DIP2C: variants seen among roughly 807,000 people sequenced by gnomAD.
DIP2C encodes the protein disco-interacting protein 2 homolog C.
In DIP2C, 33 loss-of-function variants were observed where a neutral mutation model predicts 192.4. The observed-to-expected ratio is 0.17, with a 90% CI of 0.13 to 0.23. The LOEUF (loss-of-function observed/expected upper bound fraction) is 0.23. Ranked by LOEUF, DIP2C falls within the 10% of genes least tolerant of loss-of-function variation. The probability of loss-of-function intolerance (pLI) is 1.00; values close to 1 mark genes in which losing one functional copy is unlikely to be tolerated. For missense variants in DIP2C, 1,537 were observed against 2,110.1 expected (o/e 0.73, Z 5.32); for synonymous variants, 979 against 864.1 (o/e 1.13, Z -2.33).
At chr10:354,988 G>T (rs562372204) in intron 24 of DIP2C, among the ~76,000 whole-genome samples, 1 of 152,018 alleles carries the variant, frequency 6.6e-6, no homozygotes, top group East Asian at 1.9e-4. Context: ...TAGCAAAGGG[G>T]GTATCATCCA....
rs1209548203 is a variant in DIP2C at position 414,118 on chromosome 10, G to A, written c.860-8C>T. 19 of 1,609,062 alleles carry A rather than the reference G, an allele frequency of 1.2e-5. No homozygotes were observed. The highest frequency in any genetic ancestry group is 1.3e-5 in the African/African-American group (1 of 74,978). On this transcript the variant is annotated splice_polypyrimidine_tract_variant and splice_region_variant and intron_variant, in intron 7 of 36. Coordinates refer to ENST00000280886, the MANE Select transcript of DIP2C (RefSeq NM_014974.3). The stretch of plus-strand genomic sequence containing the variant: ...TCGGATCCGGTTGTTGAACTAAATC[G>A]TTTGAATACAAGAGGTTACAAGAGA...
At chr10:599,549 C>T (rs182199000) in intron 1 of DIP2C, among the ~76,000 whole-genome samples, 2 of 152,296 alleles carry the variant, frequency 1.3e-5, no homozygotes, top group East Asian at 3.9e-4. Context: ...ACTCGTGGGT[C>T]AGTGAACGAA....
intron 1 of DIP2C, among the ~76,000 whole-genome samples, chr10:535,002 C>T (rs1847618396): frequency 6.6e-6 from 1 of 152,158 alleles, no homozygotes; most frequent in Non-Finnish European, 1.5e-5. Context: ...ACAATAGGTA[C>T]TCTTAAGAGC....
chr10:598,525 G>A (rs918051959), intron 1 of DIP2C, among the ~76,000 whole-genome samples: 1 of 152,140 alleles, frequency 6.6e-6, no homozygotes, highest in Admixed American at 6.5e-5. Context: ...ATCATGGGGA[G>A]AGGCCCCAGC....
At chr10:369,223 T>C (rs1960666257) in intron 18 of DIP2C, among the ~76,000 whole-genome samples, 2 of 152,176 alleles carry the variant, frequency 1.3e-5, no homozygotes, top group Admixed American at 1.3e-4. Flanking sequence ...GTGTGGACCC[T>C]GCACTGGCCC....
At chr10:417,362 A>G (rs1174201211) in intron 6 of DIP2C, among the ~76,000 whole-genome samples, 2 of 152,234 alleles carry the variant, frequency 1.3e-5, no homozygotes, top group Non-Finnish European at 2.9e-5. Flanking sequence ...ACAAAGGCAA[A>G]GGTACAGACT....
At position 369,795 on chromosome 10, in the gene DIP2C, G is replaced by A. The variant is rs758540891; in HGVS notation, c.1992-162C>T. On this transcript the variant is annotated intron_variant, in intron 17 of 36. Coordinates refer to ENST00000280886, the MANE Select transcript of DIP2C (RefSeq NM_014974.3). ...CATGTGGCTGCATTAGGGGATGCTC[G>A]TTCTGTTTATGAACAGCTGGCAGCG... The A allele has an allele frequency of 7.1e-5, 97 of 1,361,400 alleles. No individual in the cohort carries two copies. In the Middle Eastern group the frequency reaches 1.7e-3, roughly 24 times the overall value. The allele number at this position is 1,361,400 out of a possible 1,614,324, so 84.3% of individuals were successfully genotyped here. A position where few individuals can be genotyped will look rare whatever the true frequency, so the allele number is the denominator to read the frequency against.
chr10:414,858 G>GTGTGTA (rs1385158900), intron 7 of DIP2C, among the ~76,000 whole-genome samples: 4 of 35,590 alleles, frequency 1.1e-4, no homozygotes, highest in Admixed American at 3.2e-4. Flanking sequence ...ATATTTGTGT[G>GTGTGTA]TGTGTGTGTG....
chr10:577,475 G>C (rs1850243644), intron 1 of DIP2C, among the ~76,000 whole-genome samples: 1 of 152,186 alleles, frequency 6.6e-6, no homozygotes, highest in Non-Finnish European at 1.5e-5. Flanking sequence ...TCTCTATGAA[G>C]GTGGTAAGAG....
chr10:510,302 G>A (rs991581926), intron 1 of DIP2C, among the ~76,000 whole-genome samples: 9 of 152,218 alleles, frequency 5.9e-5, no homozygotes, highest in African/African-American at 2.2e-4. Flanking sequence ...AACACACCTT[G>A]CCGTCTCCAA....
chr10:466,319 G>C (rs1483547450), intron 3 of DIP2C, among the ~76,000 whole-genome samples: 91 of 144,284 alleles, frequency 6.3e-4, no homozygotes, highest in Non-Finnish European at 9.6e-4. Context: ...ATGGTGCTGG[G>C]AAAACTGGCT....
At chr10:437,236 T>C (rs1173265434) in intron 4 of DIP2C, among the ~76,000 whole-genome samples, 1 of 142,504 alleles carries the variant, frequency 7.0e-6, no homozygotes, top group Non-Finnish European at 1.5e-5. Context: ...GATGATATGC[T>C]CCACCCACAC....
At chr10:523,127 CCA>C (rs1212008410) in intron 1 of DIP2C, among the ~76,000 whole-genome samples, 1 of 151,572 alleles carries the variant, frequency 6.6e-6, no homozygotes, top group Admixed American at 6.6e-5. Flanking sequence ...TCTGTGTCAC[CCA>C]CACACTCGTT....
At chr10:484,924 C>T (rs775348967) in intron 2 of DIP2C, 10 of 1,610,752 alleles carry the variant, frequency 6.2e-6, no homozygotes, top group African/African-American at 1.3e-5. Flanking sequence ...CAGTCTACAC[C>T]GAACCACGGC....
intron 32 of DIP2C, among the ~76,000 whole-genome samples, chr10:307,623 C>T (rs1289650606): frequency 6.6e-6 from 1 of 151,698 alleles, no homozygotes; most frequent in African/African-American, 2.4e-5. Context: ...CCCAGCCAGA[C>T]GGAGGGGACC....
intron 4 of DIP2C, chr10:437,916 G>T (rs934802204): frequency 6.6e-6 from 1 of 152,176 alleles, no homozygotes; most frequent in African/African-American, 2.4e-5. Context: ...AGAAAAATAG[G>T]TAAGAAAATG....
At chr10:580,120 C>CTA (rs1309267314) in intron 1 of DIP2C, among the ~76,000 whole-genome samples, 1 of 152,114 alleles carries the variant, frequency 6.6e-6, no homozygotes, top group Non-Finnish European at 1.5e-5. Flanking sequence ...GGTATAACAT[C>CTA]TATATACATG....
intron 28 of DIP2C, among the ~76,000 whole-genome samples, chr10:344,597 A>C (rs146942974): frequency 1.3e-5 from 2 of 152,226 alleles, no homozygotes; most frequent in African/African-American, 4.8e-5. Flanking sequence ...TTCACATAAA[A>C]ACATACTTGG....
chr10:585,978 C>CT (rs1212342480), intron 1 of DIP2C, among the ~76,000 whole-genome samples: 4 of 152,274 alleles, frequency 2.6e-5, no homozygotes, highest in African/African-American at 9.6e-5. Context: ...GGTAATGACG[C>CT]TTCTTGCAGT....
Sources: allele counts gnomAD v4.1 joint callset (sites outside exome capture counted in the v4.1 genomes callset), GRCh38; gene constraint gnomAD v4.1.1; transcripts MANE v1.5; gene names NCBI Gene and HGNC (gene_info 2026-07-23, HGNC 2026-07-21).